The following PACSIN2 variants were observed in gnomAD, a reference collection of about 807,000 sequenced individuals.
PACSIN2 encodes protein kinase C and casein kinase substrate in neurons 2, also known as protein kinase C and casein kinase substrate in neurons protein 2.
A neutral mutation model predicts 63.8 loss-of-function variants in PACSIN2; 25 were observed. The observed-to-expected ratio is 0.39, with a 90% CI of 0.29 to 0.55. PACSIN2 has a LOEUF of 0.55. PACSIN2 is among the 20% of genes least tolerant of loss of function. The pLI is 0.62. For synonymous variants in PACSIN2, 255 were observed against 256.2 expected, an observed-to-expected ratio of 1.00 and a Z score of 0.05; for missense variants, 518 against 646.9, an observed-to-expected ratio of 0.80 and a Z score of 2.16.
intron 2 of PACSIN2, among the ~76,000 whole-genome samples, chr22:42,900,613 CA>C (rs1270001957): frequency 6.6e-6 from 1 of 152,170 alleles, no homozygotes; most frequent in African/African-American, 2.4e-5. Context: ...GCTGGGACCA[CA>C]GGTATGTACC....
chr22:42,968,390 T>C (rs150049750), intron 1 of PACSIN2, among the ~76,000 whole-genome samples: 24 of 152,320 alleles, frequency 1.6e-4, no homozygotes, highest in Non-Finnish European at 2.5e-4. Context: ...TCCAGGACGC[T>C]ACCATTATCT....
intron 1 of PACSIN2, among the ~76,000 whole-genome samples, chr22:42,988,898 G>C (rs146266878): frequency 6.8e-6 from 1 of 146,890 alleles, no homozygotes; most frequent in Non-Finnish European, 1.5e-5. Context: ...TTTTTTTTTT[G>C]TTTTTGGGAG....
chr22:42,980,066 GTTAA>G (rs1175593263), intron 1 of PACSIN2, among the ~76,000 whole-genome samples: 2 of 151,216 alleles, frequency 1.3e-5, no homozygotes, highest in Admixed American at 6.6e-5. Context: ...AAAACAAGTT[GTTAA>G]TTAAAAAAAA....
At chr22:42,889,683 C>T (rs1179571670) in intron 4 of PACSIN2, among the ~76,000 whole-genome samples, 2 of 151,912 alleles carry the variant, frequency 1.3e-5, no homozygotes, top group Non-Finnish European at 1.5e-5. Flanking sequence ...GCACATCTAC[C>T]GTCTACTCCA....
intron 1 of PACSIN2, among the ~76,000 whole-genome samples, chr22:42,981,693 G>A (rs1315401323): frequency 2.7e-5 from 3 of 111,540 alleles, no homozygotes; most frequent in African/African-American, 1.1e-4. Context: ...TCCGGGAGGT[G>A]AGGGGCTCCT....
At chr22:42,983,261 G>A (rs528171765) in intron 1 of PACSIN2, among the ~76,000 whole-genome samples, 1 of 150,028 alleles carries the variant, frequency 6.7e-6, no homozygotes, top group East Asian at 2.0e-4. Context: ...AGGCTGCAGT[G>A]AGTCGACAAT....
chr22:42,942,134 T>G (rs1159085473), intron 1 of PACSIN2, among the ~76,000 whole-genome samples: 1 of 151,590 alleles, frequency 6.6e-6, no homozygotes, highest in Non-Finnish European at 1.5e-5. Flanking sequence ...TTTCAATTTT[T>G]TTGGTAGAGA....
At chr22:43,014,718 C>T (rs1401387441) in intron 1 of PACSIN2, among the ~76,000 whole-genome samples, 1 of 151,808 alleles carries the variant, frequency 6.6e-6, no homozygotes, top group African/African-American at 2.4e-5. Flanking sequence ...AGGCCCCGGA[C>T]CCCGGAAAAC....
chr22:42,950,577 G>A (rs1427257102), intron 1 of PACSIN2, among the ~76,000 whole-genome samples: 1 of 152,182 alleles, frequency 6.6e-6, no homozygotes, highest in East Asian at 1.9e-4. Context: ...AGCCACCATT[G>A]CTGAAACTGA....
At position 42,893,627 on chromosome 22, in the gene PACSIN2, C is replaced by G; in HGVS notation, c.61-14G>C. 1 of 1,608,648 alleles carries G rather than the reference C, an allele frequency of 6.2e-7. No individual in the cohort carries two copies. Among genetic ancestry groups the G allele is most frequent in the Non-Finnish European group, 8.5e-7 (1 of 1,175,686 alleles). On this transcript the variant is annotated splice_polypyrimidine_tract_variant and intron_variant, in intron 2 of 10. Transcript: ENST00000263246. ...GTAGTTCCCGACCTAGGAGAGAGAA[C>G]CAGCTGGGAGGCAGGGGGCTTGGGG...
At chr22:42,990,790 T>A (rs1299258368) in intron 1 of PACSIN2, among the ~76,000 whole-genome samples, 1 of 151,720 alleles carries the variant, frequency 6.6e-6, no homozygotes, top group African/African-American at 2.4e-5. Context: ...CCGTTGCCAA[T>A]AAGAACATGA....
intron 1 of PACSIN2, among the ~76,000 whole-genome samples, chr22:42,937,985 A>G (rs1932985009): frequency 6.6e-6 from 1 of 152,214 alleles, no homozygotes; most frequent in Non-Finnish European, 1.5e-5. Context: ...GATTTTTCCC[A>G]GCTAACTTGC....
intron 1 of PACSIN2, among the ~76,000 whole-genome samples, chr22:42,924,225 T>C (rs1172016134): frequency 6.6e-6 from 1 of 152,088 alleles, no homozygotes; most frequent in Non-Finnish European, 1.5e-5. Flanking sequence ...CCAGACCCCC[T>C]GCATCTCTCC....
chr22:42,892,140 G>A (rs759449392), intron 3 of PACSIN2, among the ~76,000 whole-genome samples: 3 of 152,188 alleles, frequency 2.0e-5, no homozygotes, highest in Non-Finnish European at 2.9e-5. Context: ...CGAGGCTCAG[G>A]AAGGAAGCCC....
intron 2 of PACSIN2, among the ~76,000 whole-genome samples, chr22:42,910,089 C>T (rs1307416785): frequency 6.6e-6 from 1 of 152,200 alleles, no homozygotes; most frequent in Non-Finnish European, 1.5e-5. Flanking sequence ...TGCCCAAAGC[C>T]ATACACAGAA....
rs1450645577 is a variant in PACSIN2, at chr22:42,871,344, T to C, written c.*13A>G. On this transcript the variant is annotated 3_prime_UTR_variant, in exon 11 of 11. Coordinates refer to ENST00000263246, the MANE Select transcript of PACSIN2 (RefSeq NM_001184970.3). The surrounding 1 kb of genome is among the most constrained non-coding windows in gnomAD (Gnocchi z 5.4). ...CGCCGCCTCCGTCCCCCCGCTGGCC[T>C]GTCCCCGACTCATCACTGGATCGCC... is the stretch of plus-strand genomic sequence containing the variant. 1.2e-5 allele frequency: 19 copies of C among 1,580,886 alleles called. No homozygotes were observed. The highest frequency in any genetic ancestry group is 1.5e-5 in the Non-Finnish European group (17 of 1,149,548).
At chr22:42,911,913 TG>T in intron 2 of PACSIN2, 107 bp downstream of exon 2, 1 of 751,708 alleles carries the variant, frequency 1.3e-6, no homozygotes, top group South Asian at 1.6e-5. Context: ...ATGGCTGGTT[TG>T]GGGGTATGTT....
intron 8 of PACSIN2, among the ~76,000 whole-genome samples, 162 bp downstream of exon 8, chr22:42,878,886 G>A (rs544484985): frequency 2.6e-5 from 4 of 152,276 alleles, no homozygotes; most frequent in Non-Finnish European, 5.9e-5. Context: ...GAGCTCAGGA[G>A]CCCAGGAACC....
chr22:42,964,741 C>A (rs1466603786), intron 1 of PACSIN2, among the ~76,000 whole-genome samples: 1 of 152,042 alleles, frequency 6.6e-6, no homozygotes, highest in Non-Finnish European at 1.5e-5. Context: ...GACAAAAGAC[C>A]AAAAGGAGCT....
Sources: gnomAD v4.1 joint callset for allele counts (sites outside exome capture counted in the v4.1 genomes callset) on GRCh38, gnomAD v4.1.1 for gene constraint, Gnocchi (gnomAD v3.1) non-coding constraint, MANE v1.5 for transcripts, NCBI Gene and HGNC (gene_info 2026-07-23, HGNC 2026-07-21) for gene names.